The following GRAMD1B variants were observed in gnomAD, a reference collection of about 807,000 sequenced individuals.
GRAMD1B encodes the protein protein Aster-B.
Under a neutral mutation model 99.7 loss-of-function variants are expected in GRAMD1B, and 37 were observed. That is an observed-to-expected ratio of 0.37 (90% CI 0.29 to 0.49). GRAMD1B has a LOEUF of 0.49. Among genes scored for constraint, GRAMD1B ranks in the 20% least tolerant of loss-of-function variants. GRAMD1B has a pLI of 0.98. For missense variants in GRAMD1B, 888 were observed against 1,009.2 expected, an observed-to-expected ratio of 0.88 and a Z score of 1.63; for synonymous variants, 427 against 387.6, an observed-to-expected ratio of 1.10 and a Z score of -1.19.
chr11:123,507,402 G>C (rs1184641477), intron 2 of GRAMD1B, among the ~76,000 whole-genome samples: 1 of 152,184 alleles, frequency 6.6e-6, no homozygotes, highest in Non-Finnish European at 1.5e-5. Flanking sequence ...ATAGGCTAAA[G>C]AAAACCATCT....
intron 1 of GRAMD1B, among the ~76,000 whole-genome samples, chr11:123,466,666 G>A (rs1488692968): frequency 1.3e-5 from 2 of 152,166 alleles, no homozygotes; most frequent in African/African-American, 4.8e-5. Context: ...GAGTAGGGGT[G>A]GGGGAAAGTG....
chr11:123,525,290 C>G (rs1355924222), intron 2 of GRAMD1B, among the ~76,000 whole-genome samples: 1 of 152,200 alleles, frequency 6.6e-6, no homozygotes, highest in Non-Finnish European at 1.5e-5. Context: ...CCTGCTTGCC[C>G]CGCCTTGCGG....
rs1176806857 is a variant in GRAMD1B, at chr11:123,625,939, A to AGC, written c.*3345_*3346insCG. ...GAGGGCTGGGGAGGCCCAGTGGAAG[A>AGC]GAGAGAGAGAGAGAGAGAGAGAGAG... On this transcript the variant is annotated 3_prime_UTR_variant, in exon 20 of 20. Coordinates refer to ENST00000635736, the MANE Select transcript of GRAMD1B (RefSeq NM_001387025.1). The AGC allele has an allele frequency of 4.6e-5, 3 of 65,098 alleles. No individual in the cohort carries two copies. In the East Asian group the frequency reaches 1.0e-3, roughly 22 times the overall value. The allele number at this position is 65,098 out of a possible 1,614,324, so 4.0% of individuals were successfully genotyped here. A position where few individuals can be genotyped will look rare whatever the true frequency, so the allele number is the denominator to read the frequency against.
At chr11:123,372,475 A>G (rs980699065) in intron 1 of GRAMD1B, among the ~76,000 whole-genome samples, 1 of 152,188 alleles carries the variant, frequency 6.6e-6, no homozygotes, top group African/African-American at 2.4e-5. Context: ...ACAGAATTTA[A>G]TGCTCTGCAG....
intron 1 of GRAMD1B, among the ~76,000 whole-genome samples, chr11:123,363,731 C>G (rs552108862): frequency 1.9e-4 from 29 of 152,258 alleles, no homozygotes; most frequent in Middle Eastern, 3.4e-3. Flanking sequence ...GGTGCTCACT[C>G]TATTTGTTGG....
intron 14 of GRAMD1B, among the ~76,000 whole-genome samples, chr11:123,612,322 C>G (rs1212513490): frequency 6.6e-6 from 1 of 152,168 alleles, no homozygotes; most frequent in East Asian, 1.9e-4. Flanking sequence ...TTGACTTAGA[C>G]TTAAAAGTCT....
intron 19 of GRAMD1B, among the ~76,000 whole-genome samples, chr11:123,621,931 CCTTCCTTT>C (rs1228916160): frequency 1.3e-5 from 2 of 149,842 alleles, no homozygotes; most frequent in African/African-American, 4.9e-5. Flanking sequence ...TTCCTTCCTT[CCTTCCTTT>C]CTCTCTTTCT....
At chr11:123,572,688 A>G (rs1332030996) in intron 2 of GRAMD1B, among the ~76,000 whole-genome samples, 1 of 152,176 alleles carries the variant, frequency 6.6e-6, no homozygotes, top group Non-Finnish European at 1.5e-5. Context: ...AGAGAGAGAG[A>G]GAGAGAGATT....
In GRAMD1B at chr11:123,587,358, C is replaced by T. The variant is rs933657394; in HGVS notation, c.684+3026C>T. Among the ~76,000 whole-genome samples the T allele has an allele frequency of 7.9e-5, 12 of 152,152 alleles. No homozygotes were observed. The highest frequency in any genetic ancestry group is 1.9e-4 in the African/African-American group (8 of 41,448). On this transcript the variant is annotated intron_variant, in intron 4 of 19. Coordinates refer to ENST00000635736, the MANE Select transcript of GRAMD1B (RefSeq NM_001387025.1). This position sits in a 1 kb window ranked among gnomAD's most constrained non-coding sequence, Gnocchi z 4.2. Reference sequence around the variant, plus strand: ...AATTATATGTACTCCTCCTTACCCCCGAAGCCCCAGTCTACCACCCCAGTC... The same window carrying T: ...AATTATATGTACTCCTCCTTACCCCTGAAGCCCCAGTCTACCACCCCAGTC...
chr11:123,412,190 T>G (rs1948075742), intron 1 of GRAMD1B, among the ~76,000 whole-genome samples: 1 of 152,236 alleles, frequency 6.6e-6, no homozygotes, highest in African/African-American at 2.4e-5. Flanking sequence ...GTTGCATTTC[T>G]TTTTTAGTGG....
intron 1 of GRAMD1B, among the ~76,000 whole-genome samples, chr11:123,435,937 C>CTTTTTTTTTTT (rs10647186): frequency 1.0e-5 from 1 of 95,704 alleles, no homozygotes; most frequent in Non-Finnish European, 2.0e-5. Flanking sequence ...GAAACTCATA[C>CTTTTTTTTTTT]TTTTTTTTTT....
At chr11:123,540,661 G>A (rs1944422277) in intron 2 of GRAMD1B, among the ~76,000 whole-genome samples, 1 of 151,766 alleles carries the variant, frequency 6.6e-6, no homozygotes, top group African/African-American at 2.4e-5. Flanking sequence ...AATATAAAGA[G>A]CCAAAAGAAA....
rs371179649 is a variant in GRAMD1B, at chr11:123,453,703, G to A, written c.374+22537G>A. Among the ~76,000 whole-genome samples, 6 of 152,296 alleles carry A rather than the reference G, an allele frequency of 3.9e-5. No individual in the cohort carries two copies. The East Asian group carries it at 1.2e-3, about 29-fold the overall frequency. ...TCCTGGAATACTGACTCAAATTTCA[G>A]AAAGAAATTTTAATTTGCCTGTTGC... On this transcript the variant is annotated intron_variant, in intron 1 of 19. Coordinates refer to ENST00000635736, the MANE Select transcript of GRAMD1B (RefSeq NM_001387025.1).
At chr11:123,586,810 C>G (rs1296499042) in intron 4 of GRAMD1B, among the ~76,000 whole-genome samples, 2 of 152,238 alleles carry the variant, frequency 1.3e-5, no homozygotes, top group Non-Finnish European at 2.9e-5. Context: ...ATCCCTCTCC[C>G]CTTCTCAGCT....
chr11:123,450,017 C>CCGGACATTTT (rs1949815898), intron 1 of GRAMD1B, among the ~76,000 whole-genome samples: 11 of 152,254 alleles, frequency 7.2e-5, no homozygotes, highest in African/African-American at 2.6e-4. Flanking sequence ...GTCACCACAC[C>CCGGACATTTT]TGAACCAGAG....
chr11:123,560,723 T>A, intron 2 of GRAMD1B: 5 of 452,838 alleles, frequency 1.1e-5, no homozygotes, highest in South Asian at 7.8e-5. Flanking sequence ...TGTGTGTGTG[T>A]GTGTGTGTGT....
chr11:123,435,444 C>A (rs76833356), intron 1 of GRAMD1B: 2 of 702,376 alleles, frequency 2.8e-6, no homozygotes, highest in Non-Finnish European at 5.2e-6. Context: ...CTCAAGCTTG[C>A]GGATTTTCAC....
At chr11:123,605,633 C>G (rs919264731) in intron 10 of GRAMD1B, among the ~76,000 whole-genome samples, 155 bp downstream of exon 10, 4 of 152,186 alleles carry the variant, frequency 2.6e-5, no homozygotes, top group Non-Finnish European at 5.9e-5. Flanking sequence ...CAGATGGGCT[C>G]TCCGTATTCT....
At chr11:123,595,039 C>G (rs1169919479) in intron 6 of GRAMD1B, among the ~76,000 whole-genome samples, 1 of 152,190 alleles carries the variant, frequency 6.6e-6, no homozygotes, top group African/African-American at 2.4e-5. Context: ...TCCCTCCCTC[C>G]CCTTTGGGTG....
Sources: gnomAD v4.1 joint callset for allele counts (sites outside exome capture counted in the v4.1 genomes callset) on GRCh38, gnomAD v4.1.1 for gene constraint, Gnocchi (gnomAD v3.1) non-coding constraint, MANE v1.5 for transcripts, NCBI Gene and HGNC (gene_info 2026-07-23, HGNC 2026-07-21) for gene names.